SLCO6A1: variants seen among roughly 807,000 people sequenced by gnomAD.
The protein encoded by SLCO6A1 is cancer/testis antigen 48.
Under a neutral mutation model 72.7 loss-of-function variants are expected in SLCO6A1, and 65 were observed. The observed-to-expected ratio is 0.89, with a 90% confidence interval of 0.73 to 1.10. The LOEUF (loss-of-function observed/expected upper bound fraction) is 1.10. Among genes scored for constraint, SLCO6A1 ranks in the 50% least tolerant of loss-of-function variants. The pLI is 0.00. For synonymous variants in SLCO6A1, 314 were observed against 298.2 expected (o/e 1.05, Z -0.55); for missense variants, 874 against 872.6 (o/e 1.00, Z -0.02).
At chr5:102,473,710 A>G (rs898687847) in intron 4 of SLCO6A1, among the ~76,000 whole-genome samples, 3 of 152,012 alleles carry the variant, frequency 2.0e-5, no homozygotes, top group Non-Finnish European at 4.4e-5. Flanking sequence ...TATATATAGA[A>G]AACCCTAAGG....
At chr5:102,411,488 C>A (rs535834955) in intron 9 of SLCO6A1, among the ~76,000 whole-genome samples, 33 of 152,212 alleles carry the variant, frequency 2.2e-4, no homozygotes, top group Non-Finnish European at 2.2e-4. Context: ...TGGTCCCCAA[C>A]TCCTGGGCTC....
intron 2 of SLCO6A1, among the ~76,000 whole-genome samples, chr5:102,479,873 A>C (rs1309997381): frequency 6.6e-6 from 1 of 152,180 alleles, no homozygotes; most frequent in African/African-American, 2.4e-5. Flanking sequence ...CCCTTCTCAA[A>C]GAAAATTCAA....
At chr5:102,445,214 GC>G (rs1371937786) in intron 6 of SLCO6A1, among the ~76,000 whole-genome samples, 2 of 152,088 alleles carry the variant, frequency 1.3e-5, no homozygotes, top group South Asian at 4.1e-4. Flanking sequence ...CCTTTTCTCT[GC>G]AACCACACCA....
At chr5:102,448,197 A>G (rs969990620) in intron 6 of SLCO6A1, among the ~76,000 whole-genome samples, 23 of 152,214 alleles carry the variant, frequency 1.5e-4, no homozygotes, top group South Asian at 1.0e-3. Context: ...GATCTTCTTG[A>G]TATCGATTTC....
At chr5:102,440,764 A>T (rs1442068671) in intron 6 of SLCO6A1, among the ~76,000 whole-genome samples, 1 of 152,214 alleles carries the variant, frequency 6.6e-6, no homozygotes, top group East Asian at 1.9e-4. Flanking sequence ...GGGGTAGTTT[A>T]TTATGCAGAA....
At chr5:102,432,106 A>C (rs954280737) in intron 7 of SLCO6A1, among the ~76,000 whole-genome samples, 3 of 151,800 alleles carry the variant, frequency 2.0e-5, no homozygotes, top group Non-Finnish European at 4.4e-5. Context: ...ATTTTTCTTC[A>C]TCTATTTTTG....
intron 1 of SLCO6A1, among the ~76,000 whole-genome samples, chr5:102,491,844 C>T (rs1212268988): frequency 1.3e-5 from 2 of 152,242 alleles, no homozygotes; most frequent in African/African-American, 4.8e-5. Context: ...AGAGTGGGCG[C>T]CAAGGCGGAG....
At chr5:102,493,628 C>T (rs1255092522) in intron 1 of SLCO6A1, among the ~76,000 whole-genome samples, 1 of 152,054 alleles carries the variant, frequency 6.6e-6, no homozygotes, top group African/African-American at 2.4e-5. Context: ...GACCATTGTA[C>T]CAGGGAGCCT....
intron 1 of SLCO6A1, among the ~76,000 whole-genome samples, chr5:102,484,074 G>GGTTC (rs1486539606): frequency 2.6e-5 from 4 of 152,168 alleles, no homozygotes; most frequent in Non-Finnish European, 4.4e-5. Context: ...TGCAGTTAAA[G>GGTTC]GTTCCACCAC....
intron 9 of SLCO6A1, among the ~76,000 whole-genome samples, chr5:102,410,625 A>G (rs1205934577): frequency 6.6e-6 from 1 of 152,344 alleles, no homozygotes; most frequent in South Asian, 2.1e-4. Context: ...AACAAGTGGT[A>G]GAGTGGTCAA....
rs546683528 is a variant in SLCO6A1, at chr5:102,478,264, A to G, written c.617-403T>C. Among the ~76,000 whole-genome samples the G allele has an allele frequency of 2.1e-5, 3 of 143,790 alleles. No homozygotes were observed. The East Asian group carries it at 5.9e-4, about 28-fold the overall frequency. 94.3% of individuals were successfully genotyped at this position (143,790 alleles called of 152,430 possible). A position where few individuals can be genotyped will look rare whatever the true frequency, so the allele number is the denominator to read the frequency against. On this transcript the variant is annotated intron_variant, in intron 2 of 13. Coordinates refer to ENST00000506729, the MANE Select transcript of SLCO6A1 (RefSeq NM_173488.5). The stretch of plus-strand genomic sequence containing the variant: ...TGCATGATTGTATATATGTGTGCAT[A>G]AATATGTTTGTATATATATGCATTT...
intron 4 of SLCO6A1, among the ~76,000 whole-genome samples, chr5:102,470,906 A>ACT (rs1168501572): frequency 1.3e-5 from 2 of 151,968 alleles, no homozygotes; most frequent in Non-Finnish European, 2.9e-5. Context: ...CCTTGGTTGT[A>ACT]GTTTTGTTTA....
intron 12 of SLCO6A1, among the ~76,000 whole-genome samples, chr5:102,377,647 CTATAGATATAGACATAGACATATA>C (rs1745875355): frequency 6.6e-6 from 1 of 150,434 alleles, no homozygotes; most frequent in Admixed American, 6.6e-5. Context: ...ATATATATAT[CTATAGATATAGACATAGACATATA>C]TATAGATATA....
chr5:102,466,799 T>C (rs1288202103), intron 4 of SLCO6A1, among the ~76,000 whole-genome samples: 1 of 152,212 alleles, frequency 6.6e-6, no homozygotes, highest in Non-Finnish European at 1.5e-5. Context: ...CATATGATTG[T>C]GGACCACATG....
chr5:102,400,303 T>C (rs1747328236), intron 9 of SLCO6A1, among the ~76,000 whole-genome samples: 1 of 151,938 alleles, frequency 6.6e-6, no homozygotes, highest in Non-Finnish European at 1.5e-5. Flanking sequence ...AAAAAGTGTA[T>C]AATAATAAAT....
chr5:102,462,056 A>G (rs974287783), intron 4 of SLCO6A1, among the ~76,000 whole-genome samples: 2 of 152,176 alleles, frequency 1.3e-5, no homozygotes, highest in African/African-American at 2.4e-5. Flanking sequence ...ATGTACACAA[A>G]TCAGTAGCAC....
intron 6 of SLCO6A1, among the ~76,000 whole-genome samples, chr5:102,455,389 T>G (rs1750655823): frequency 6.6e-6 from 1 of 151,952 alleles, no homozygotes; most frequent in South Asian, 2.1e-4. Context: ...GAAATACAAT[T>G]TTGCAAACAA....
intron 1 of SLCO6A1, among the ~76,000 whole-genome samples, chr5:102,495,115 A>T (rs1381991794): frequency 1.3e-5 from 2 of 152,246 alleles, no homozygotes; most frequent in African/African-American, 4.8e-5. Context: ...AAAACCATCA[A>T]GCTATTAAAA....
At chr5:102,490,137 G>A (rs1752608851) in intron 1 of SLCO6A1, among the ~76,000 whole-genome samples, 1 of 152,190 alleles carries the variant, frequency 6.6e-6, no homozygotes, top group South Asian at 2.1e-4. Flanking sequence ...CTAAGTTACA[G>A]TTAGATAGGA....
Sources: gnomAD v4.1 joint callset for allele counts (sites outside exome capture counted in the v4.1 genomes callset) on GRCh38, gnomAD v4.1.1 for gene constraint, MANE v1.5 for transcripts, NCBI Gene and HGNC (gene_info 2026-07-23, HGNC 2026-07-21) for gene names.